The following PRB4 variants were observed in gnomAD, a reference collection of about 807,000 sequenced individuals.
PRB4 encodes the protein proline rich protein BstNI subfamily 4, also known as basic salivary proline-rich protein 4.
A neutral mutation model predicts 9.1 loss-of-function variants in PRB4; 14 were observed. The ratio of observed to expected loss-of-function variants is 1.54; its 90% CI spans 1.02 to 2.41. PRB4 has a LOEUF of 2.41. Among genes scored for constraint, PRB4 ranks in the 30% most tolerant of loss-of-function variants. PRB4 has a pLI of 0.00. For missense variants in PRB4, 381 were observed against 299.3 expected, an observed-to-expected ratio of 1.27 and a Z score of -2.02; for synonymous variants, 102 against 108.5, an observed-to-expected ratio of 0.94 and a Z score of 0.37.
Position 11,308,851 on chromosome 12 carries a change from T to A in PRB4, c.132A>T (p.Gly44=), listed in dbSNP as rs543511196. The A allele has an allele frequency of 6.4e-7, 1 of 1,564,290 alleles. No individual in the cohort carries two copies. The highest frequency in any genetic ancestry group is 2.4e-5 in the East Asian group (1 of 42,210). Residue 44 remains glycine (G), a synonymous_variant, in exon 3 of 4, where the codon GGA becomes GGT. Coordinates refer to ENST00000279575, the MANE Select transcript of PRB4 (RefSeq NM_002723.6). ...GAGGTGGGGGACGTTGGGGCTGGTT[T>A]CCTCCTTGTGGGCGTCGTCCTTCTG... ...GKPEGRRPQG[G]NQPQRPPPPP... is the part of the protein sequence containing the mutation.
chr12:11,309,240 T>A (rs1862997515), intron 2 of PRB4, 130 bp downstream of exon 2: 2 of 1,478,384 alleles, frequency 1.4e-6, no homozygotes, highest in Non-Finnish European at 1.9e-6. Flanking sequence ...GAAGATTGCC[T>A]ATATCATTAG....
At position 11,308,203 on chromosome 12, in the gene PRB4, A is replaced by T; in HGVS notation, c.*18+18T>A. 1 of 1,597,732 alleles carries T rather than the reference A, an allele frequency of 6.3e-7. No individual in the cohort carries two copies. Among genetic ancestry groups the T allele is most frequent in the Non-Finnish European group, 8.5e-7 (1 of 1,171,776 alleles). On this transcript the variant is annotated intron_variant, in intron 3 of 3. Transcript: ENST00000279575. ...TGTAGCAATTAGAGTCCTGATGAAT[A>T]ATAAAGTGGAATCATACCTGTCATT...
chr12:11,307,926 C>T (rs1862949722), intron 3 of PRB4, among the ~76,000 whole-genome samples: 2 of 152,104 alleles, frequency 1.3e-5, no homozygotes, highest in Admixed American at 6.5e-5. Context: ...TGGGAGGTCT[C>T]TGAGTTAGTG....
Position 11,310,186 on chromosome 12 carries a change from T to C in PRB4, c.64+149A>G. ...TTAAATAAATTAGAAGTCCTTATTG[T>C]GGAATGAGGGCACAACAGGTCTCCT... On this transcript the variant is annotated intron_variant, in intron 1 of 3. Coordinates refer to ENST00000279575, the MANE Select transcript of PRB4 (RefSeq NM_002723.6). The C allele has an allele frequency of 1.6e-5, 15 of 950,086 alleles. No individual in the cohort carries two copies. In the South Asian group the frequency reaches 1.8e-4, roughly 12 times the overall value. 58.9% of individuals were successfully genotyped at this position (950,086 alleles called of 1,614,324 possible).
At position 11,308,323 on chromosome 12, in the gene PRB4, A is replaced by G. The variant is rs1862958325; in HGVS notation, c.660T>C (p.Pro220=). 2 of 1,608,732 alleles carry G rather than the reference A, an allele frequency of 1.2e-6. No individual in the cohort carries two copies. Among genetic ancestry groups the G allele is most frequent in the South Asian group, 2.2e-5 (2 of 90,574 alleles). The change falls in exon 3 of 4, where the codon CCT becomes CCC. Residue 220 remains proline, a synonymous_variant. Transcript: ENST00000279575. ...GGNPQQPQAP[P]AGKPQGPPPP... The stretch of plus-strand genomic sequence containing the variant: ...GAGGTGGCCCCTGGGGCTTTCCAGC[A>G]GGAGGTGCCTGAGGCTGCTGGGGAT...
Position 11,308,511 on chromosome 12 carries a change from G to A in PRB4, c.472C>T (p.His158Tyr). The part of the protein sequence containing the change: ...GGNQSQGPPP[H>Y]PGKPEGPPPQ... The stretch of plus-strand genomic sequence containing the variant: ...GGTGGTCCTTCTGGCTTTCCTGGAT[G>A]AGGTGGGGGACCTTGGGACTGGTTA... The change falls in exon 3 of 4, where the codon CAT (histidine) becomes TAT (tyrosine). Residue 158 changes from histidine to tyrosine, a missense_variant. By Grantham distance (83) the His-to-Tyr change is moderately conservative (BLOSUM62 2). This residue lies in a region of PRB4 where 204 missense variants were observed against 134.4 expected (regional missense o/e 1.52). Coordinates refer to ENST00000279575, the MANE Select transcript of PRB4 (RefSeq NM_002723.6). 1 of 1,598,606 alleles carries A rather than the reference G, an allele frequency of 6.3e-7. No individual in the cohort carries two copies. Among genetic ancestry groups the A allele is most frequent in the South Asian group, 1.1e-5 (1 of 90,642 alleles).
At chr12:11,308,904 C>G in intron 2 of PRB4, 22 bp from the exon 3 acceptor site, 2 of 1,613,718 alleles carry the variant, frequency 1.2e-6, no homozygotes, top group Non-Finnish European at 1.7e-6. Flanking sequence ...GGGGGACATA[C>G]GGCATTCACT....
intron 3 of PRB4, among the ~76,000 whole-genome samples, chr12:11,308,009 A>G (rs571308632): frequency 6.6e-6 from 1 of 152,344 alleles, no homozygotes; most frequent in Non-Finnish European, 1.5e-5. Flanking sequence ...GACAGATCAT[A>G]TGGTATGTTG....
intron 1 of PRB4, among the ~76,000 whole-genome samples, 170 bp from the exon 2 acceptor site, chr12:11,309,575 C>T (rs1863005790): frequency 6.6e-6 from 1 of 152,256 alleles, no homozygotes; most frequent in South Asian, 2.1e-4. Flanking sequence ...TAAGAGGAGG[C>T]AGGGTTGTTA....
Position 11,308,397 on chromosome 12 carries a change from C to T in PRB4, c.586G>A (p.Gly196Ser), listed in dbSNP as rs745994903. ...TGTGGCTTTCCAGGAGGTGGGGGAC[C>T]TTGAGGCTTGTTGCCTTCTTGTTGG... ...PPQQEGNKPQGPPPPGKPQGP... is the reference protein window; with the variant it reads ...PPQQEGNKPQSPPPPGKPQGP... The change falls in exon 3 of 4, where the codon GGT becomes AGT. Residue 196 changes from glycine (G) to serine (S), a missense_variant. Coordinates refer to ENST00000279575, the MANE Select transcript of PRB4 (RefSeq NM_002723.6). The T allele has an allele frequency of 3.7e-6, 6 of 1,611,720 alleles. No individual in the cohort carries two copies. The highest frequency in any genetic ancestry group is 1.7e-5 in the Admixed American group (1 of 59,860).
chr12:11,310,129 G>T (rs1350377350), intron 1 of PRB4, among the ~76,000 whole-genome samples: 5 of 152,074 alleles, frequency 3.3e-5, no homozygotes, highest in Non-Finnish European at 7.4e-5. Flanking sequence ...TCATTCCCCT[G>T]GAACAAATTC....
At position 11,308,423 on chromosome 12, in the gene PRB4, G is replaced by A. The variant is rs547141690; in HGVS notation, c.560C>T (p.Pro187Leu). Residue 187 changes from proline to leucine, a missense_variant, in exon 3 of 4, where the codon CCC (proline) becomes CTC (leucine). Coordinates refer to ENST00000279575, the MANE Select transcript of PRB4 (RefSeq NM_002723.6). ...TTGAGGCTTGTTGCCTTCTTGTTGG[G>A]GTGGTCCTTGTGGCTTTCCTGGAGG... is the stretch of plus-strand genomic sequence containing the variant. ...RSPPGKPQGPPQQEGNKPQGP... is the reference protein window; with the variant it reads ...RSPPGKPQGPLQQEGNKPQGP... 7.4e-6 allele frequency: 12 copies of A among 1,613,800 alleles called. No individual in the cohort carries two copies. The highest frequency in any genetic ancestry group is 1.7e-4 in the Middle Eastern group (1 of 6,044).
At position 11,310,408 on chromosome 12, in the gene PRB4, G is replaced by C. The variant is rs1188224860; in HGVS notation, c.-10C>G. On this transcript the variant is annotated 5_prime_UTR_variant, in exon 1 of 4. Coordinates refer to ENST00000279575, the MANE Select transcript of PRB4 (RefSeq NM_002723.6). Reference sequence around the variant, plus strand: ...GCAGAATCAGCAGCATCTCGCTGGAGGCTCTGGAGTCACTCCCAACTCTGT... The same window carrying C: ...GCAGAATCAGCAGCATCTCGCTGGACGCTCTGGAGTCACTCCCAACTCTGT... 1 of 1,614,220 alleles carries C rather than the reference G, an allele frequency of 6.2e-7. No homozygotes were observed. The highest frequency in any genetic ancestry group is 2.2e-5 in the East Asian group (1 of 44,882).
chr12:11,308,183 C>G, intron 3 of PRB4, 38 bp downstream of exon 3: 1 of 1,571,842 alleles, frequency 6.4e-7, no homozygotes, highest in Non-Finnish European at 8.7e-7. Context: ...AGAACTGTAG[C>G]AATTAGAGTC....
Position 11,308,616 on chromosome 12 carries a change from G to T in PRB4, c.367C>A (p.Pro123Thr). 1 of 1,344,232 alleles carries T rather than the reference G, an allele frequency of 7.4e-7. No individual in the cohort carries two copies. The highest frequency in any genetic ancestry group is 1.0e-6 in the Non-Finnish European group (1 of 978,176). 83.3% of individuals were successfully genotyped at this position (1,344,232 alleles called of 1,614,324 possible). A position where few individuals can be genotyped will look rare whatever the true frequency, so the allele number is the denominator to read the frequency against. ...TPPPPGKPER[P>T]PPQGGNQSHR... is the part of the protein sequence containing the mutation. ...GACTGGTTGCCTCCTTGTGGGGGTG[G>T]TCTTTCTGGCTTTCCTGGAGGAGGT... Residue 123 changes from proline to threonine, a missense_variant, in exon 3 of 4, where the codon CCA (proline) becomes ACA (threonine). By Grantham distance (38) the Pro-to-Thr change is conservative. Coordinates refer to ENST00000279575, the MANE Select transcript of PRB4 (RefSeq NM_002723.6).
Position 11,308,408 on chromosome 12 carries a change from T to C in PRB4, c.575A>G (p.Asn192Ser). ...AGGAGGTGGGGGACCTTGAGGCTTG[T>C]TGCCTTCTTGTTGGGGTGGTCCTTG... ...KPQGPPQQEG[N>S]KPQGPPPPGK... The change falls in exon 3 of 4, where the codon AAC becomes AGC. Residue 192 changes from asparagine to serine, a missense_variant. Around this residue, in one of 3 missense-constraint regions of PRB4, gnomAD observed 204 missense variants for 134.4 expected, o/e 1.52. Transcript: ENST00000279575. 6.2e-7 allele frequency: 1 copy of C among 1,613,488 alleles called. No homozygotes were observed. The highest frequency in any genetic ancestry group is 8.5e-7 in the Non-Finnish European group (1 of 1,179,656).
rs1166903461 is a variant in PRB4, at chr12:11,309,508, C to G, written c.65-103G>C. 3.7e-6 allele frequency: 6 copies of G among 1,602,356 alleles called. No individual in the cohort carries two copies. In the African/African-American group the frequency reaches 8.0e-5, roughly 21 times the overall value. ...TGTCTTCTCACCACACCCCATGCAT[C>G]CCCTAGGTTAACTCATCAGCCACCA... is the stretch of plus-strand genomic sequence containing the variant. On this transcript the variant is annotated intron_variant, in intron 1 of 3. Transcript: ENST00000279575.
intron 1 of PRB4, 82 bp downstream of exon 1, chr12:11,310,253 A>T (rs1207306506): frequency 6.4e-7 from 1 of 1,563,886 alleles, no homozygotes; most frequent in African/African-American, 1.4e-5. Flanking sequence ...CTGTGTTTTC[A>T]TTCTCCTCTC....
rs772390216 is a variant in PRB4, at chr12:11,308,770, G to A, written c.213C>T (p.Pro71=). ...PPQGGNQSQG[P]PPPPGKPEGR... ...CTTCTGGCTTTCCTGGAGGAGGTGGGGGACCTTGGGACTGGTTTCCTCCTT... is the reference window on the plus strand; with the variant it reads ...CTTCTGGCTTTCCTGGAGGAGGTGGAGGACCTTGGGACTGGTTTCCTCCTT... Residue 71 remains proline, a synonymous_variant, in exon 3 of 4, where the codon CCC becomes CCT. Coordinates refer to ENST00000279575, the MANE Select transcript of PRB4 (RefSeq NM_002723.6). 1.9e-6 allele frequency: 3 copies of A among 1,606,802 alleles called. No individual in the cohort carries two copies. The highest frequency in any genetic ancestry group is 1.1e-5 in the South Asian group (1 of 90,674).
Sources: allele counts gnomAD v4.1 joint callset (sites outside exome capture counted in the v4.1 genomes callset), GRCh38; gene constraint gnomAD v4.1.1; regional missense constraint gnomAD v4.1.1; transcripts MANE v1.5; gene names NCBI Gene and HGNC (gene_info 2026-07-23, HGNC 2026-07-21).